Variants in TMEM131 observed in about 807,000 individuals in gnomAD.
TMEM131 encodes the protein transmembrane protein 131.
Under a neutral mutation model 211.6 loss-of-function variants are expected in TMEM131, and 66 were observed. The ratio of observed to expected loss-of-function variants is 0.31; its 90% CI spans 0.26 to 0.38. The LOEUF (loss-of-function observed/expected upper bound fraction) is 0.38. Among genes scored for constraint, TMEM131 ranks in the 10% least tolerant of loss-of-function variants. The pLI, the probability that TMEM131 is intolerant of heterozygous loss-of-function variation, is 1.00. For missense variants in TMEM131, 2,036 were observed against 2,299.3 expected, an observed-to-expected ratio of 0.89 and a Z score of 2.34; for synonymous variants, 844 against 841.3, an observed-to-expected ratio of 1.00 and a Z score of -0.06.
In TMEM131 at chr2:97,772,309, T is replaced by C. The variant is rs138598681; in HGVS notation, c.4436A>G (p.Asp1479Gly). 4 of 1,602,306 alleles carry C rather than the reference T, an allele frequency of 2.5e-6. No homozygotes were observed. Among genetic ancestry groups the C allele is most frequent in the Non-Finnish European group, 3.4e-6 (4 of 1,177,318 alleles). ...TTATTTCTCTCACCTGGGTTTCACA[T>C]CTGTTGGGATTTCTTTCTTAATATT... ...LLNIKKEIPTDVKPSSLELPY... is the reference protein window; with the variant it reads ...LLNIKKEIPTGVKPSSLELPY... The change falls in exon 33 of 41, where the codon GAT becomes GGT. Residue 1479 changes from aspartate (D) to glycine (G), a missense_variant. Asp to Gly is a moderately conservative substitution (Grantham distance 94). Coordinates refer to ENST00000186436, the MANE Select transcript of TMEM131 (RefSeq NM_015348.2).
intron 1 of TMEM131, among the ~76,000 whole-genome samples, chr2:97,982,888 T>C (rs1408777543): frequency 6.6e-6 from 1 of 152,116 alleles, no homozygotes; most frequent in African/African-American, 2.4e-5. Flanking sequence ...CAGAAAAAGA[T>C]TCTCCCCTGA....
intron 1 of TMEM131, among the ~76,000 whole-genome samples, chr2:97,986,300 T>C (rs1358306274): frequency 6.6e-6 from 1 of 152,106 alleles, no homozygotes; most frequent in Non-Finnish European, 1.5e-5. Context: ...AAGAAAACTA[T>C]TGGCAGTATC....
At chr2:97,773,695 T>TG (rs1382528538) in intron 32 of TMEM131, among the ~76,000 whole-genome samples, 2 of 150,980 alleles carry the variant, frequency 1.3e-5, no homozygotes, top group Admixed American at 6.6e-5. Flanking sequence ...CTGTCACCCC[T>TG]GGGCTCAAGT....
chr2:97,877,319 T>C (rs904373924), intron 4 of TMEM131, among the ~76,000 whole-genome samples: 3 of 152,252 alleles, frequency 2.0e-5, no homozygotes, highest in Non-Finnish European at 4.4e-5. Context: ...CCCAACAAGC[T>C]ACCACTAACT....
intron 1 of TMEM131, among the ~76,000 whole-genome samples, chr2:97,939,156 G>C (rs1213706555): frequency 6.6e-6 from 1 of 152,116 alleles, no homozygotes; most frequent in Middle Eastern, 3.2e-3. Flanking sequence ...AAAGCTAGCA[G>C]AAGGCAAGAA....
chr2:97,801,933 C>G lies in TMEM131; in HGVS notation c.2680G>C (p.Asp894His), dbSNP rs1681055143. ...RFNLSKVAKI[D>H]LRTLEFQVFR... is the part of the protein sequence containing the mutation. ...ACTTGAAATTCTAGTGTTCTCAAATCTATCTTTGCCACCTTACTCAAGTTA... is the reference window on the plus strand; with the variant it reads ...ACTTGAAATTCTAGTGTTCTCAAATGTATCTTTGCCACCTTACTCAAGTTA... The change falls in exon 25 of 41, where the codon GAT (aspartate) becomes CAT (histidine). Residue 894 changes from aspartate (D) to histidine (H), a missense_variant. Transcript: ENST00000186436. The G allele has an allele frequency of 6.2e-7, 1 of 1,608,182 alleles. No individual in the cohort carries two copies. Among genetic ancestry groups the G allele is most frequent in the East Asian group, 2.3e-5 (1 of 44,410 alleles).
At chr2:97,964,224 C>T (rs1678944336) in intron 1 of TMEM131, among the ~76,000 whole-genome samples, 1 of 152,190 alleles carries the variant, frequency 6.6e-6, no homozygotes, top group Non-Finnish European at 1.5e-5. Flanking sequence ...CCTACAAGGT[C>T]AAAAATACTG....
intron 1 of TMEM131, among the ~76,000 whole-genome samples, chr2:97,932,422 TATTTTA>T (rs1178878249): frequency 6.6e-6 from 1 of 152,172 alleles, no homozygotes; most frequent in Non-Finnish European, 1.5e-5. Flanking sequence ...ATATAAACCA[TATTTTA>T]ATTTTATCAA....
At chr2:97,761,943 C>T in intron 36 of TMEM131, 92 bp downstream of exon 36, 1 of 1,368,830 alleles carries the variant, frequency 7.3e-7, no homozygotes, top group Non-Finnish European at 9.7e-7. Flanking sequence ...AGACAGTGGC[C>T]TGTGGCCGCT....
chr2:97,908,696 G>C lies in TMEM131; in HGVS notation c.252C>G (p.Thr84=). 6.3e-7 allele frequency: 1 copy of C among 1,598,344 alleles called. No individual in the cohort carries two copies. ...LRFDDGGLLQ[T]ETTLGLSSYQ... is the part of the protein sequence containing the mutation. ...ATGAACTGAGTCCAAGTGTTGTCTC[G>C]GTCTGTAAAAGGAATAAAATAATGA... The change falls in exon 3 of 41, where the codon ACC becomes ACG. Residue 84 remains threonine (T), a splice_region_variant and synonymous_variant. Coordinates refer to ENST00000186436, the MANE Select transcript of TMEM131 (RefSeq NM_015348.2).
intron 4 of TMEM131, among the ~76,000 whole-genome samples, chr2:97,876,898 G>C (rs1674718820): frequency 6.6e-6 from 1 of 152,150 alleles, no homozygotes; most frequent in South Asian, 2.1e-4. Context: ...AATAGAAAAG[G>C]AGGAAGTCAA....
intron 4 of TMEM131, among the ~76,000 whole-genome samples, chr2:97,885,773 C>CT (rs1675131908): frequency 6.6e-6 from 1 of 152,164 alleles, no homozygotes; most frequent in Non-Finnish European, 1.5e-5. Context: ...TGGGCTGACT[C>CT]TAATTGGAAT....
chr2:97,762,541 C>A, intron 35 of TMEM131: 1 of 236,740 alleles, frequency 4.2e-6, no homozygotes, highest in South Asian at 5.0e-5. Context: ...CCTGGAAAAT[C>A]CTTGTGCCTA....
At chr2:97,879,287 G>A (rs1196626121) in intron 4 of TMEM131, among the ~76,000 whole-genome samples, 1 of 152,196 alleles carries the variant, frequency 6.6e-6, no homozygotes, top group Non-Finnish European at 1.5e-5. Context: ...ATAAGAGACA[G>A]AAGACTCCTG....
At chr2:97,856,991 G>A (rs1036052562) in intron 5 of TMEM131, among the ~76,000 whole-genome samples, 1 of 152,100 alleles carries the variant, frequency 6.6e-6, no homozygotes, top group Non-Finnish European at 1.5e-5. Flanking sequence ...CTTGTTCCTT[G>A]ATTACCTACA....
At chr2:97,766,712 G>C in intron 33 of TMEM131, 110 bp from the exon 34 acceptor site, 10 of 1,342,198 alleles carry the variant, frequency 7.5e-6, no homozygotes, top group Non-Finnish European at 1.0e-5. Context: ...GGAAGCTAAT[G>C]TGGCTTCCTG....
chr2:97,924,660 T>C (rs1415202613), intron 2 of TMEM131, among the ~76,000 whole-genome samples: 5 of 152,160 alleles, frequency 3.3e-5, no homozygotes, highest in Non-Finnish European at 7.4e-5. Flanking sequence ...CTTAGGAAAG[T>C]ACCTGTCACC....
intron 8 of TMEM131, 22 bp downstream of exon 8, chr2:97,837,055 A>T: frequency 1.2e-6 from 2 of 1,606,788 alleles, no homozygotes; most frequent in Non-Finnish European, 1.7e-6. Flanking sequence ...CACACACAAG[A>T]GAAAACTAGG....
At chr2:97,872,810 G>T (rs1423873077) in intron 4 of TMEM131, among the ~76,000 whole-genome samples, 2 of 152,182 alleles carry the variant, frequency 1.3e-5, no homozygotes, top group African/African-American at 2.4e-5. Flanking sequence ...AAACTGGGCG[G>T]CCGTTTGGGC....
Sources: allele counts gnomAD v4.1 joint callset (sites outside exome capture counted in the v4.1 genomes callset), GRCh38; gene constraint gnomAD v4.1.1; transcripts MANE v1.5; gene names NCBI Gene and HGNC (gene_info 2026-07-23, HGNC 2026-07-21).